The following TLE2 variants were observed in gnomAD, a reference collection of about 807,000 sequenced individuals.
The protein encoded by TLE2 is transducin-like enhancer protein 2.
A neutral mutation model predicts 97.2 loss-of-function variants in TLE2; 74 were observed. That is an observed-to-expected ratio of 0.76 (90% CI 0.63 to 0.92). The LOEUF (loss-of-function observed/expected upper bound fraction) is 0.92, where lower values mean the gene tolerates loss of function less well. TLE2 is among the 40% of genes least tolerant of loss of function. The pLI, the probability that TLE2 is intolerant of heterozygous loss-of-function variation, is 0.00. For synonymous variants in TLE2, 499 were observed against 432.1 expected, an observed-to-expected ratio of 1.15 and a Z score of -1.92; for missense variants, 1,038 against 1,008.7, an observed-to-expected ratio of 1.03 and a Z score of -0.39.
At position 3,013,947 on chromosome 19, in the gene TLE2, T is replaced by G; in HGVS notation, c.724-129A>C. ...CCCATGACCCACCATGGGAAGATTA[T>G]GAAATCTTCTGCTGCCTCAGTTTAC... is the stretch of plus-strand genomic sequence containing the variant. On this transcript the variant is annotated intron_variant, in intron 10 of 19. Coordinates refer to ENST00000262953, the MANE Select transcript of TLE2 (RefSeq NM_003260.5). 11 of 923,008 alleles carry G rather than the reference T, an allele frequency of 1.2e-5. No homozygotes were observed. In the South Asian group the frequency reaches 5.2e-4, roughly 44 times the overall value. 57.2% of individuals were successfully genotyped at this position (923,008 alleles called of 1,614,324 possible).
intron 1 of TLE2, among the ~76,000 whole-genome samples, chr19:3,036,657 A>C (rs2090065424): frequency 6.6e-6 from 1 of 152,256 alleles, no homozygotes; most frequent in Non-Finnish European, 1.5e-5. Flanking sequence ...ACCCAGGAAC[A>C]TGAGGAGCCA....
rs1241854876 is a variant in TLE2 at position 3,015,779 on chromosome 19, C to CG, written c.571-20dup. The CG allele has an allele frequency of 2.2e-5, 35 of 1,575,348 alleles. No homozygotes were observed. The highest frequency in any genetic ancestry group is 2.9e-5 in the Non-Finnish European group (34 of 1,157,576). ...ATGCACTCTGCGGAGAGACAAAGGCCGGGGGGAGAAAGGGTCAGGGCCCTG... is the reference window on the plus strand; with the variant it reads ...ATGCACTCTGCGGAGAGACAAAGGCCGGGGGGGAGAAAGGGTCAGGGCCCTG... On this transcript the variant is annotated intron_variant, in intron 8 of 19. Transcript: ENST00000262953.
In TLE2 at chr19:3,019,249, C is replaced by T. The variant is rs1696093636; in HGVS notation, c.550+34G>A. 9.6e-6 allele frequency: 15 copies of T among 1,555,688 alleles called. No homozygotes were observed. Among genetic ancestry groups the T allele is most frequent in the Non-Finnish European group, 1.3e-5 (15 of 1,158,614 alleles). ...CCAGTCGTCCTCCCCAGCCCCGTCT[C>T]CCCAGCCAATGCCACCCCGTGCTGC... is the stretch of plus-strand genomic sequence containing the variant. On this transcript the variant is annotated intron_variant, in intron 7 of 19. Transcript: ENST00000262953. The surrounding 1 kb of genome is among the most constrained non-coding windows in gnomAD (Gnocchi z 5.1).
chr19:3,003,800 C>T (rs2089418097), intron 17 of TLE2, among the ~76,000 whole-genome samples: 1 of 151,998 alleles, frequency 6.6e-6, no homozygotes, highest in Admixed American at 6.6e-5. Context: ...AACCTCCTCC[C>T]ATGCTCAAGT....
chr19:3,019,858 C>A lies in TLE2; in HGVS notation c.295-85G>T. ...CCCTTGGGGACCTGACCTCTCCCCG[C>A]CACCCTCTCATCTTTGCCCCGGTAC... On this transcript the variant is annotated intron_variant, in intron 5 of 19. Transcript: ENST00000262953. The surrounding 1 kb of genome is among the most constrained non-coding windows in gnomAD (Gnocchi z 5.1). 1 of 1,495,894 alleles carries A rather than the reference C, an allele frequency of 6.7e-7. No individual in the cohort carries two copies. The allele number at this position is 1,495,894 out of a possible 1,614,324, so 92.7% of individuals were successfully genotyped here. A position where few individuals can be genotyped will look rare whatever the true frequency, so the allele number is the denominator to read the frequency against.
At chr19:3,026,130 C>A (rs1471243409) in intron 4 of TLE2, among the ~76,000 whole-genome samples, 2 of 152,060 alleles carry the variant, frequency 1.3e-5, no homozygotes, top group Non-Finnish European at 1.5e-5. Context: ...TAAGCATGGA[C>A]CACTAAAGTC....
At chr19:3,038,188 T>C (rs1207246604) in intron 1 of TLE2, among the ~76,000 whole-genome samples, 1 of 152,146 alleles carries the variant, frequency 6.6e-6, no homozygotes, top group African/African-American at 2.4e-5. Context: ...GGGTAGCTAT[T>C]TGTACTCCCA....
At position 3,009,816 on chromosome 19, in the gene TLE2, T is replaced by C. The variant is rs2089554773; in HGVS notation, c.1013-114A>G. 18 of 1,349,800 alleles carry C rather than the reference T, an allele frequency of 1.3e-5. No individual in the cohort carries two copies. In the South Asian group the frequency reaches 1.8e-4, roughly 14 times the overall value. 83.6% of individuals were successfully genotyped at this position (1,349,800 alleles called of 1,614,324 possible). The stretch of plus-strand genomic sequence containing the variant: ...AGAGTTTCCATGTGCTGGTTCCACA[T>C]TGGCCATAGCCTGGGACACCTCCAG... On this transcript the variant is annotated intron_variant, in intron 12 of 19. Transcript: ENST00000262953.
intron 1 of TLE2, among the ~76,000 whole-genome samples, chr19:3,038,768 G>A (rs571273319): frequency 2.0e-5 from 3 of 152,300 alleles, no homozygotes; most frequent in East Asian, 3.9e-4. Flanking sequence ...ATTAAGGCCG[G>A]GCGCAGTGGC....
intron 19 of TLE2, among the ~76,000 whole-genome samples, chr19:2,998,606 G>A (rs889471335): frequency 6.6e-5 from 10 of 152,146 alleles, no homozygotes; most frequent in Admixed American, 6.6e-4. Flanking sequence ...TAGAGACTGG[G>A]TTTCCCCATG....
intron 4 of TLE2, among the ~76,000 whole-genome samples, chr19:3,027,583 T>C (rs900925361): frequency 1.3e-5 from 2 of 152,192 alleles, no homozygotes; most frequent in Non-Finnish European, 2.9e-5. Context: ...GCCCACTGCC[T>C]GCATCTCTGC....
intron 1 of TLE2, among the ~76,000 whole-genome samples, chr19:3,036,332 G>A (rs974364837): frequency 6.6e-6 from 1 of 152,174 alleles, no homozygotes; most frequent in Non-Finnish European, 1.5e-5. Context: ...GTACCTCTCC[G>A]GCCCGCGCTC....
intron 5 of TLE2, among the ~76,000 whole-genome samples, chr19:3,022,938 C>G (rs1456443802): frequency 6.6e-6 from 1 of 152,092 alleles, no homozygotes; most frequent in African/African-American, 2.4e-5. Flanking sequence ...GTGGCTATGT[C>G]AATAAAACTT....
intron 14 of TLE2, 118 bp from the exon 15 acceptor site, chr19:3,006,787 T>TTG: frequency 7.1e-7 from 1 of 1,417,314 alleles, no homozygotes; most frequent in Non-Finnish European, 9.3e-7. Context: ...TTTTTATTTT[T>TTG]TGTTTTGTTT....
At chr19:3,026,810 T>C (rs2089953445) in intron 4 of TLE2, among the ~76,000 whole-genome samples, 1 of 149,838 alleles carries the variant, frequency 6.7e-6, no homozygotes, top group African/African-American at 2.5e-5. Context: ...TCTCTGACCC[T>C]TGAGGTCTAT....
intron 3 of TLE2, 39 bp downstream of exon 3, chr19:3,028,280 C>G: frequency 6.3e-7 from 1 of 1,583,688 alleles, no homozygotes; most frequent in East Asian, 2.3e-5. Flanking sequence ...AAAGCCCTGC[C>G]CGCCTCTCCC....
rs306049 is a variant in TLE2, at chr19:3,039,492, C to A, written c.63+6234G>T. On this transcript the variant is annotated intron_variant, in intron 1 of 18. Coordinates refer to the TLE2 transcript ENST00000426948. ...TTCCCTCTGCCTGAACCACGGCCAG[C>A]CTTTCTCTTCCTTTCAGATCAAACA... Among the ~76,000 whole-genome samples, 378 of 152,090 alleles carry A rather than the reference C, an allele frequency of 2.5e-3. 8 individuals carry two copies. The East Asian group carries it at 0.059, about 24-fold the overall frequency.
Position 3,029,047 on chromosome 19 carries a change from C to T in TLE2, c.-143G>A. ...GAGAAGCGGCGCGGGGCAAGGGACC[C>T]TGGAGTCCCTGGCGCGCCCCCAAGC... On this transcript the variant is annotated 5_prime_UTR_variant, in exon 1 of 20. Coordinates refer to ENST00000262953, the MANE Select transcript of TLE2 (RefSeq NM_003260.5). 1.4e-6 allele frequency: 2 copies of T among 1,414,490 alleles called. No individual in the cohort carries two copies. The highest frequency in any genetic ancestry group is 1.8e-6 in the Non-Finnish European group (2 of 1,082,664). The allele number at this position is 1,414,490 out of a possible 1,614,324, so 87.6% of individuals were successfully genotyped here. A position where few individuals can be genotyped will look rare whatever the true frequency, so the allele number is the denominator to read the frequency against.
chr19:3,035,111 C>G (rs2090052270), intron 1 of TLE2, among the ~76,000 whole-genome samples: 1 of 152,172 alleles, frequency 6.6e-6, no homozygotes, highest in Non-Finnish European at 1.5e-5. Flanking sequence ...GAACACACCC[C>G]ATCCCTTAGT....
Sources: gnomAD v4.1 joint callset for allele counts (sites outside exome capture counted in the v4.1 genomes callset) on GRCh38, gnomAD v4.1.1 for gene constraint, Gnocchi (gnomAD v3.1) non-coding constraint, MANE v1.5 for transcripts, NCBI Gene and HGNC (gene_info 2026-07-23, HGNC 2026-07-21) for gene names.